Variants in SLC28A1 observed in about 807,000 individuals in gnomAD.
SLC28A1 encodes the protein solute carrier family 28 member 1, also known as sodium/nucleoside cotransporter 1.
Under a neutral mutation model 74.8 loss-of-function variants are expected in SLC28A1, and 64 were observed. The ratio of observed to expected loss-of-function variants is 0.86; its 90% CI spans 0.70 to 1.05. The LOEUF (loss-of-function observed/expected upper bound fraction) is 1.05, where lower values mean the gene tolerates loss of function less well. Ranked by LOEUF, SLC28A1 falls within the 50% of genes least tolerant of loss-of-function variation. The pLI, the probability that SLC28A1 is intolerant of heterozygous loss-of-function variation, is 0.00. For synonymous variants in SLC28A1, 359 were observed against 335.0 expected, an observed-to-expected ratio of 1.07 and a Z score of -0.78; for missense variants, 828 against 822.8, an observed-to-expected ratio of 1.01 and a Z score of -0.08.
chr15:84,885,105 C>T (rs1173640745), intron 1 of SLC28A1, among the ~76,000 whole-genome samples: 2 of 152,012 alleles, frequency 1.3e-5, no homozygotes, highest in Non-Finnish European at 2.9e-5. Context: ...ACTACAGGCA[C>T]CTGCCACCAT....
chr15:84,955,556 C>A, the SLC28A1 span, among the ~76,000 whole-genome samples: 6 of 152,290 alleles, frequency 3.9e-5, no homozygotes, highest in South Asian at 1.2e-3. Flanking sequence ...CACAGCAGTT[C>A]CTCACGGAGC....
chr15:84,924,137 C>G, intron 12 of SLC28A1, 27 bp downstream of exon 12: 1 of 1,607,712 alleles, frequency 6.2e-7, no homozygotes, highest in Non-Finnish European at 8.5e-7. Context: ...TTCTGCTTGG[C>G]TATGTTGAGG....
At chr15:84,939,027 A>T (rs1476463298) in intron 15 of SLC28A1, among the ~76,000 whole-genome samples, 2 of 152,228 alleles carry the variant, frequency 1.3e-5, no homozygotes, top group Non-Finnish European at 2.9e-5. Flanking sequence ...AATTTTAAGA[A>T]GATGACTGGA....
intron 6 of SLC28A1, 44 bp downstream of exon 6, chr15:84,895,167 T>C (rs771464810): frequency 6.2e-6 from 10 of 1,607,518 alleles, no homozygotes; most frequent in Non-Finnish European, 8.5e-6. Context: ...GGAGGGCCCA[T>C]GAGCTGAGGG....
chr15:84,893,021 C>A (rs7342576), intron 5 of SLC28A1, among the ~76,000 whole-genome samples: 2,734 of 152,214 alleles, frequency 0.018, 94 homozygotes, highest in African/African-American at 0.064. Flanking sequence ...CCTGGAGGAC[C>A]CCTCCACACT....
At chr15:84,951,461 T>C in the SLC28A1 span, among the ~76,000 whole-genome samples, 1 of 143,328 alleles carries the variant, frequency 7.0e-6, no homozygotes, top group Admixed American at 7.0e-5. Context: ...AAAGAAGGAG[T>C]CTGGGGTCCT....
At chr15:84,946,098 A>T (rs1223421968), downstream of SLC28A1, among the ~76,000 whole-genome samples, 2 of 15,506 alleles carry the variant, frequency 1.3e-4, no homozygotes, top group African/African-American at 3.6e-4. Flanking sequence ...ATATATATAT[A>T]TATATATATA....
chr15:84,943,924 G>T (rs1973004818), intron 16 of SLC28A1, among the ~76,000 whole-genome samples: 1 of 151,850 alleles, frequency 6.6e-6, no homozygotes, highest in Non-Finnish European at 1.5e-5. Flanking sequence ...AAAGAAAAAA[G>T]AAAAAGATGT....
intron 6 of SLC28A1, chr15:84,895,634 G>A (rs1965914539): frequency 1.4e-6 from 2 of 1,454,330 alleles, no homozygotes; most frequent in Non-Finnish European, 1.8e-6. Context: ...GATGTCACAG[G>A]GCAGGAGAGG....
Position 84,945,575 on chromosome 15 carries a change from TCCTCC to T in SLC28A1, c.*383_*387del. 3.2e-6 allele frequency: 1 copy of T among 315,226 alleles called. No individual in the cohort carries two copies. The highest frequency in any genetic ancestry group is 6.2e-6 in the Non-Finnish European group (1 of 161,538). The allele number at this position is 315,226 out of a possible 1,614,324, so 19.5% of individuals were successfully genotyped here. A position where few individuals can be genotyped will look rare whatever the true frequency, so the allele number is the denominator to read the frequency against. ...CTGTTGTGGGCTGCACACCAAAGCC[TCCTCC>T]CCTCCCCACTTCCTAGGCACTAGGA... is the stretch of plus-strand genomic sequence containing the variant. On this transcript the variant is annotated 3_prime_UTR_variant, in exon 19 of 19. Coordinates refer to ENST00000394573, the MANE Select transcript of SLC28A1 (RefSeq NM_004213.5).
At chr15:84,950,941 C>G in the SLC28A1 span, among the ~76,000 whole-genome samples, 1 of 152,180 alleles carries the variant, frequency 6.6e-6, no homozygotes, top group Admixed American at 6.5e-5. Context: ...CATAGACAAA[C>G]AGAGTGGCTG....
chr15:84,935,363 G>A lies in SLC28A1; in HGVS notation c.1426G>A (p.Gly476Ser), dbSNP rs1364707984. ...YILRPVAFLM[G>S]VAWEDCPVVA... The stretch of plus-strand genomic sequence containing the variant: ...CCTGCGGCCTGTAGCCTTCTTGATG[G>A]GTGTGGCGTGGGAGGACTGCCCAGT... The change falls in exon 15 of 19, where the codon GGT becomes AGT. Residue 476 changes from glycine (G) to serine (S), a missense_variant. By Grantham distance (56) the Gly-to-Ser change is moderately conservative (BLOSUM62 0). This residue lies in a region of SLC28A1 where 767 missense variants were observed against 753.5 expected (regional missense o/e 1.02). Coordinates refer to ENST00000394573, the MANE Select transcript of SLC28A1 (RefSeq NM_004213.5). The A allele has an allele frequency of 1.2e-6, 2 of 1,614,210 alleles. No homozygotes were observed. Among genetic ancestry groups the A allele is most frequent in the African/African-American group, 1.3e-5 (1 of 75,050 alleles).
At chr15:84,950,176 G>A (rs2142090597), downstream of SLC28A1, among the ~76,000 whole-genome samples, 1 of 152,156 alleles carries the variant, frequency 6.6e-6, no homozygotes, top group African/African-American at 2.4e-5. Context: ...TGTCTCTGCT[G>A]GGCAAAATAT....
chr15:84,921,819 T>A (rs1029472042), intron 11 of SLC28A1, among the ~76,000 whole-genome samples: 3 of 152,206 alleles, frequency 2.0e-5, no homozygotes, highest in Non-Finnish European at 4.4e-5. Flanking sequence ...TGCTCTCAGA[T>A]AAACTGTCAA....
rs554625211 is a variant in SLC28A1 at position 84,930,895 on chromosome 15, G to A, written c.1084-2250G>A. Reference sequence around the variant, plus strand: ...AGTGATTCTCCTGCCTCAGCCTCCCGAGTAGCTGGGATTACAGGCACACAC... The same window carrying A: ...AGTGATTCTCCTGCCTCAGCCTCCCAAGTAGCTGGGATTACAGGCACACAC... On this transcript the variant is annotated intron_variant, in intron 12 of 18. Transcript: ENST00000394573. Among the ~76,000 whole-genome samples the A allele has an allele frequency of 3.7e-4, 56 of 151,538 alleles. 1 individual carries two copies. The highest frequency in any genetic ancestry group is 1.3e-3 in the African/African-American group (52 of 41,280).
chr15:84,918,498 C>T (rs759185211), intron 9 of SLC28A1, 26 bp from the exon 10 acceptor site: 12 of 1,596,580 alleles, frequency 7.5e-6, no homozygotes, highest in East Asian at 4.5e-5. Context: ...CTCTAACCTG[C>T]GGTCCTATGA....
intron 15 of SLC28A1, chr15:84,941,118 G>C (rs1403561048): frequency 6.6e-6 from 1 of 152,344 alleles, no homozygotes; most frequent in Non-Finnish European, 1.5e-5. Flanking sequence ...GCTTCTTAGG[G>C]TCTCTTCTGC....
At chr15:84,923,119 G>A (rs1423403845) in intron 11 of SLC28A1, among the ~76,000 whole-genome samples, 1 of 152,130 alleles carries the variant, frequency 6.6e-6, no homozygotes, top group African/African-American at 2.4e-5. Flanking sequence ...TGTATTTTTA[G>A]TTGAGACAGG....
chr15:84,912,875 T>C (rs1018584942), intron 9 of SLC28A1, among the ~76,000 whole-genome samples: 7 of 148,800 alleles, frequency 4.7e-5, no homozygotes, highest in Admixed American at 2.7e-4. Flanking sequence ...AAAGGTATCA[T>C]TGGATTTGGT....
Sources: allele counts gnomAD v4.1 joint callset (sites outside exome capture counted in the v4.1 genomes callset), GRCh38; gene constraint gnomAD v4.1.1; regional missense constraint gnomAD v4.1.1; transcripts MANE v1.5; gene names NCBI Gene and HGNC (gene_info 2026-07-23, HGNC 2026-07-21).